DOCK4: variants seen among roughly 807,000 people sequenced by gnomAD.
DOCK4 encodes the protein dedicator of cytokinesis 4, also known as dedicator of cytokinesis protein 4.
DOCK4 carries 97 observed loss-of-function variants against 268.1 expected under a neutral mutation model. That is an observed-to-expected ratio of 0.36 (90% CI 0.31 to 0.43). The LOEUF (loss-of-function observed/expected upper bound fraction) is 0.43, where lower values mean the gene tolerates loss of function less well. Ranked by LOEUF, DOCK4 falls within the 20% of genes least tolerant of loss-of-function variation. The pLI is 1.00. For synonymous variants in DOCK4, 954 were observed against 887.2 expected, an observed-to-expected ratio of 1.08 and a Z score of -1.34; for missense variants, 2,145 against 2,455.7, an observed-to-expected ratio of 0.87 and a Z score of 2.67.
chr7:112,154,661 G>A (rs1473789357), intron 1 of DOCK4, among the ~76,000 whole-genome samples: 1 of 152,124 alleles, frequency 6.6e-6, no homozygotes, highest in African/African-American at 2.4e-5. Context: ...TTTCCTCCAT[G>A]AGATAAAGAC....
At chr7:111,752,324 C>T (rs1001652206) in intron 42 of DOCK4, among the ~76,000 whole-genome samples, 3 of 151,890 alleles carry the variant, frequency 2.0e-5, no homozygotes, top group African/African-American at 7.3e-5. Flanking sequence ...GAGGAGACTA[C>T]AGGGATAAGG....
intron 37 of DOCK4, among the ~76,000 whole-genome samples, chr7:111,768,595 TAA>T (rs147983684): frequency 0.079 from 11,972 of 152,154 alleles, 1,504 homozygotes; most frequent in African/African-American, 0.27. Flanking sequence ...ATGAATTTTT[TAA>T]AAGAGTACTA....
At chr7:111,750,927 T>G (rs149800210) in intron 42 of DOCK4, among the ~76,000 whole-genome samples, 3 of 152,258 alleles carry the variant, frequency 2.0e-5, no homozygotes, top group African/African-American at 7.2e-5. Flanking sequence ...CAGTCGCTTT[T>G]GTAGAATACA....
intron 12 of DOCK4, among the ~76,000 whole-genome samples, chr7:111,919,399 C>G (rs1029840193): frequency 2.0e-5 from 3 of 151,718 alleles, no homozygotes; most frequent in African/African-American, 7.3e-5. Context: ...AGGAGACAGT[C>G]GACAGAGAGG....
chr7:112,032,591 CA>C (rs1803376299), intron 1 of DOCK4, among the ~76,000 whole-genome samples: 1 of 152,138 alleles, frequency 6.6e-6, no homozygotes, highest in African/African-American at 2.4e-5. Context: ...CCCTACACAA[CA>C]ATGTGTTGCA....
chr7:111,978,143 A>G (rs940597240), intron 7 of DOCK4, among the ~76,000 whole-genome samples: 6 of 152,244 alleles, frequency 3.9e-5, no homozygotes, highest in African/African-American at 1.2e-4. Flanking sequence ...CAGAGCATCT[A>G]TCTACTAGGG....
chr7:111,828,729 T>C (rs1209696999), intron 26 of DOCK4, among the ~76,000 whole-genome samples: 1 of 151,892 alleles, frequency 6.6e-6, no homozygotes, highest in Non-Finnish European at 1.5e-5. Flanking sequence ...CCCATTCTAA[T>C]GGCAAAAATC....
At chr7:111,742,992 C>G (rs1466279388) in intron 44 of DOCK4, among the ~76,000 whole-genome samples, 5 of 142,830 alleles carry the variant, frequency 3.5e-5, no homozygotes, top group African/African-American at 1.3e-4. Flanking sequence ...ACTCTGTCTC[C>G]AAAAAGAAAA....
chr7:112,064,582 A>T (rs1806749074), intron 1 of DOCK4, among the ~76,000 whole-genome samples: 1 of 152,212 alleles, frequency 6.6e-6, no homozygotes, highest in African/African-American at 2.4e-5. Flanking sequence ...TCTCAGTAGC[A>T]AGTGGGAAAC....
intron 1 of DOCK4, among the ~76,000 whole-genome samples, chr7:112,150,209 T>C (rs1048504709): frequency 6.6e-6 from 1 of 152,126 alleles, no homozygotes; most frequent in African/African-American, 2.4e-5. Flanking sequence ...ACCCCAACTC[T>C]ACCTTTCTAA....
intron 1 of DOCK4, among the ~76,000 whole-genome samples, chr7:112,141,563 C>T (rs1165758113): frequency 6.6e-6 from 1 of 152,138 alleles, no homozygotes; most frequent in Non-Finnish European, 1.5e-5. Flanking sequence ...AACATCAACT[C>T]CTGCCCAAGG....
At chr7:111,748,370 A>G (rs1283683046) in intron 42 of DOCK4, among the ~76,000 whole-genome samples, 1 of 152,200 alleles carries the variant, frequency 6.6e-6, no homozygotes, top group Non-Finnish European at 1.5e-5. Flanking sequence ...ATGTGTAACC[A>G]TCAAAAAGCA....
rs143245417 is a variant in DOCK4, at chr7:111,986,200, A to AT, written c.465-1811dup. Among the ~76,000 whole-genome samples the AT allele has an allele frequency of 9.7e-4, 147 of 152,328 alleles. 1 individual carries two copies. Among genetic ancestry groups the AT allele is most frequent in the African/African-American group, 3.4e-3 (142 of 41,588 alleles). ...CAGGAATATTAGACATTGGCTGTCA[A>AT]TAAGATTCCTTCCTTGAGAATCTGA... On this transcript the variant is annotated intron_variant, in intron 6 of 52. Coordinates refer to ENST00000428084, the MANE Select transcript of DOCK4 (RefSeq NM_001363540.2).
At chr7:111,792,786 ACT>A (rs1195354035) in intron 30 of DOCK4, among the ~76,000 whole-genome samples, 4 of 152,104 alleles carry the variant, frequency 2.6e-5, no homozygotes, top group Admixed American at 2.6e-4. Flanking sequence ...TTGTGAATTC[ACT>A]GTTTTTTGTG....
At chr7:112,146,441 G>T (rs981224989) in intron 1 of DOCK4, among the ~76,000 whole-genome samples, 2 of 152,182 alleles carry the variant, frequency 1.3e-5, no homozygotes, top group Non-Finnish European at 2.9e-5. Flanking sequence ...ATAACTGAAA[G>T]AACTTTGAAG....
At chr7:111,733,922 A>G (rs1240885066) in intron 51 of DOCK4, among the ~76,000 whole-genome samples, 1 of 152,184 alleles carries the variant, frequency 6.6e-6, no homozygotes, top group Non-Finnish European at 1.5e-5. Context: ...ACAAGTATAG[A>G]GTAAACTAGG....
intron 16 of DOCK4, among the ~76,000 whole-genome samples, chr7:111,887,684 G>A (rs1330495356): frequency 6.6e-6 from 1 of 152,026 alleles, no homozygotes; most frequent in African/African-American, 2.4e-5. Flanking sequence ...CAGAGGCAAT[G>A]AGGGAAGACA....
intron 17 of DOCK4, among the ~76,000 whole-genome samples, chr7:111,875,591 G>A (rs922199152): frequency 2.0e-5 from 3 of 152,228 alleles, no homozygotes; most frequent in Admixed American, 2.0e-4. Context: ...CCAGCTCAAT[G>A]TAATCACAAG....
At position 111,822,344 on chromosome 7, in the gene DOCK4, T is replaced by C. The variant is rs762233555; in HGVS notation, c.2930+18A>G. ...TCTATACATTGAGCTGCAATTATCA[T>C]CAACTTAAATGTCTTACTTGTTAGC... On this transcript the variant is annotated intron_variant, in intron 27 of 52. Transcript: ENST00000428084. 3 of 1,598,384 alleles carry C rather than the reference T, an allele frequency of 1.9e-6. No homozygotes were observed. The South Asian group carries it at 3.3e-5, about 18-fold the overall frequency.
Sources: gnomAD v4.1 joint callset for allele counts (sites outside exome capture counted in the v4.1 genomes callset) on GRCh38, gnomAD v4.1.1 for gene constraint, MANE v1.5 for transcripts, NCBI Gene and HGNC (gene_info 2026-07-23, HGNC 2026-07-21) for gene names.